ARFGEF1: variants seen among roughly 807,000 people sequenced by gnomAD.
The protein encoded by ARFGEF1 is brefeldin A-inhibited guanine nucleotide-exchange protein 1.
ARFGEF1 carries 42 observed loss-of-function variants against 231.0 expected under a neutral mutation model. That is an observed-to-expected ratio of 0.18 (90% CI 0.14 to 0.24). ARFGEF1 has a LOEUF of 0.24. Among genes scored for constraint, ARFGEF1 ranks in the 10% least tolerant of loss-of-function variants. The pLI is 1.00. For missense variants in ARFGEF1, 1,345 were observed against 2,192.0 expected, an observed-to-expected ratio of 0.61 and a Z score of 7.72; for synonymous variants, 710 against 732.3, an observed-to-expected ratio of 0.97 and a Z score of 0.49.
rs746672155 is a variant in ARFGEF1 at position 67,266,974 on chromosome 8, A to G, written c.1823T>C (p.Leu608Pro). The stretch of plus-strand genomic sequence containing the variant: ...TAAGCATTCTAAACCTTTTTTCCTC[A>G]GGCTCAATTCCTACAAAGTAATTCA... Reference protein sequence around the residue: ...LGMSNVQELSLRKKGLECLVS... With the variant: ...LGMSNVQELSPRKKGLECLVS... Residue 608 changes from leucine (L) to proline (P), a missense_variant, in exon 13 of 39, where the codon CTG becomes CCG. Leu to Pro is a moderately conservative substitution (Grantham distance 98, BLOSUM62 -3). Transcript: ENST00000262215. The G allele has an allele frequency of 1.2e-6, 2 of 1,613,346 alleles. No individual in the cohort carries two copies. The highest frequency in any genetic ancestry group is 1.7e-6 in the Non-Finnish European group (2 of 1,179,660).
chr8:67,340,099 A>G (rs1390190828), intron 1 of ARFGEF1, among the ~76,000 whole-genome samples: 1 of 152,138 alleles, frequency 6.6e-6, no homozygotes, highest in African/African-American at 2.4e-5. Flanking sequence ...AATTGGCCAT[A>G]TGTTAAAAGG....
At chr8:67,281,175 C>T (rs995710843) in intron 7 of ARFGEF1, among the ~76,000 whole-genome samples, 2 of 151,694 alleles carry the variant, frequency 1.3e-5, no homozygotes, top group Non-Finnish European at 2.9e-5. Context: ...AATGTAAAAC[C>T]CTAAGACAAA....
intron 10 of ARFGEF1, among the ~76,000 whole-genome samples, chr8:67,267,667 T>C (rs1360812757): frequency 1.3e-5 from 2 of 152,196 alleles, no homozygotes; most frequent in African/African-American, 4.8e-5. Flanking sequence ...TTGATGTGTT[T>C]TGTTCTCAAC....
intron 1 of ARFGEF1, among the ~76,000 whole-genome samples, chr8:67,341,765 A>T (rs1808639202): frequency 6.6e-6 from 1 of 152,210 alleles, no homozygotes; most frequent in Admixed American, 6.5e-5. Flanking sequence ...AGATATAAAT[A>T]CAGTTTTTGC....
intron 7 of ARFGEF1, among the ~76,000 whole-genome samples, chr8:67,281,715 AAT>A (rs754239496): frequency 8.9e-4 from 135 of 152,252 alleles, no homozygotes; most frequent in Admixed American, 4.8e-3. Flanking sequence ...TTTTAGAAAT[AAT>A]ATGAGTTCAG....
At chr8:67,175,522 C>A in exon 6 of ARFGEF1, 1 of 1,493,904 alleles carries the variant, frequency 6.7e-7, no homozygotes, top group East Asian at 2.4e-5. Flanking sequence ...GATTTCATTC[C>A]CAGGCATCCT....
intron 1 of ARFGEF1, among the ~76,000 whole-genome samples, chr8:67,334,090 C>T (rs1388256678): frequency 2.0e-5 from 3 of 148,064 alleles, no homozygotes; most frequent in African/African-American, 7.5e-5. Flanking sequence ...GAGCTGAGAT[C>T]GCACCACTGC....
chr8:67,314,352 C>A (rs1440720558), intron 1 of ARFGEF1, among the ~76,000 whole-genome samples: 2 of 152,160 alleles, frequency 1.3e-5, no homozygotes, highest in Non-Finnish European at 2.9e-5. Context: ...TGGAGTTTTA[C>A]CCCCCTGCTC....
intron 16 of ARFGEF1, 133 bp downstream of exon 16, chr8:67,257,952 G>T: frequency 1.7e-6 from 2 of 1,178,738 alleles, no homozygotes; most frequent in South Asian, 1.5e-5. Context: ...TTTGTTTTAC[G>T]ACTTCCAGAT....
chr8:67,283,759 A>AGTCG (rs1019230210), intron 7 of ARFGEF1, among the ~76,000 whole-genome samples: 6 of 67,738 alleles, frequency 8.9e-5, no homozygotes, highest in African/African-American at 4.4e-4. Context: ...TTTCACTCAT[A>AGTCG]GAGAAATGCA....
chr8:67,221,257 TTGG>T (rs1157466931), intron 29 of ARFGEF1, among the ~76,000 whole-genome samples: 1 of 152,200 alleles, frequency 6.6e-6, no homozygotes, highest in Non-Finnish European at 1.5e-5. Context: ...AAAAAGTTAA[TTGG>T]AAAACAGCCT....
chr8:67,258,055 A>G (rs938709804), intron 16 of ARFGEF1, 30 bp downstream of exon 16: 10 of 1,569,528 alleles, frequency 6.4e-6, no homozygotes, highest in Non-Finnish European at 7.9e-6. Flanking sequence ...GATATAACAG[A>G]CAATCAATGA....
chr8:67,260,687 C>G (rs1178340011), intron 14 of ARFGEF1, among the ~76,000 whole-genome samples: 1 of 152,018 alleles, frequency 6.6e-6, no homozygotes, highest in South Asian at 2.1e-4. Flanking sequence ...AATAAGTGTT[C>G]AAGTGGAAGG....
intron 5 of ARFGEF1, among the ~76,000 whole-genome samples, chr8:67,192,268 T>A (rs1326117907): frequency 3.9e-5 from 6 of 152,068 alleles, no homozygotes; most frequent in Non-Finnish European, 8.8e-5. Flanking sequence ...AGAGTTGGGG[T>A]TTCGCCATGT....
chr8:67,256,212 T>C (rs1193784405), intron 17 of ARFGEF1, among the ~76,000 whole-genome samples: 2 of 152,190 alleles, frequency 1.3e-5, no homozygotes, highest in Admixed American at 1.3e-4. Context: ...TGCTCGATAA[T>C]AAAAGCCCTG....
At chr8:67,303,672 C>T (rs1358017643) in intron 1 of ARFGEF1, among the ~76,000 whole-genome samples, 5 of 151,664 alleles carry the variant, frequency 3.3e-5, no homozygotes, top group Non-Finnish European at 5.9e-5. Flanking sequence ...CAAAATCACA[C>T]CACCACCCTC....
intron 1 of ARFGEF1, among the ~76,000 whole-genome samples, chr8:67,308,588 T>A (rs1317137183): frequency 6.6e-6 from 1 of 152,136 alleles, no homozygotes; most frequent in East Asian, 1.9e-4. Flanking sequence ...ACCTCTTAGG[T>A]GAAATATTCC....
At chr8:67,320,555 A>G (rs547611714) in intron 1 of ARFGEF1, among the ~76,000 whole-genome samples, 2 of 152,358 alleles carry the variant, frequency 1.3e-5, no homozygotes, top group African/African-American at 4.8e-5. Flanking sequence ...AAATCTGTAC[A>G]TGAATATTTA....
At chr8:67,231,109 T>A (rs1417080403) in intron 23 of ARFGEF1, among the ~76,000 whole-genome samples, 10 of 152,110 alleles carry the variant, frequency 6.6e-5, no homozygotes, top group Non-Finnish European at 2.9e-5. Context: ...CCCAGATTGA[T>A]GCCTGACACT....
Sources: allele counts gnomAD v4.1 joint callset (sites outside exome capture counted in the v4.1 genomes callset), GRCh38; gene constraint gnomAD v4.1.1; transcripts MANE v1.5; gene names NCBI Gene and HGNC (gene_info 2026-07-23, HGNC 2026-07-21).